The following SLTM variants were observed in gnomAD, a reference collection of about 807,000 sequenced individuals.
SLTM encodes SAFB-like transcription modulator.
A neutral mutation model predicts 134.6 loss-of-function variants in SLTM; 43 were observed. The observed-to-expected ratio is 0.32, with a 90% CI of 0.25 to 0.41. The LOEUF is 0.41. SLTM is among the 10% of genes least tolerant of loss of function. The pLI, the probability that SLTM is intolerant of heterozygous loss-of-function variation, is 1.00. For missense variants in SLTM, 1,055 were observed against 1,288.8 expected, an observed-to-expected ratio of 0.82 and a Z score of 2.78; for synonymous variants, 424 against 432.3, an observed-to-expected ratio of 0.98 and a Z score of 0.24.
At position 58,892,687 on chromosome 15, in the gene SLTM, G is replaced by C. The variant is rs566044683; in HGVS notation, c.1898+210C>G. ...TATAATGGGCATAACTAGCCTTACA[G>C]AACTGTTGAGTTGGAGACAACAGAT... On this transcript the variant is annotated intron_variant, in intron 14 of 20. Coordinates refer to ENST00000380516, the MANE Select transcript of SLTM (RefSeq NM_024755.4). Among the ~76,000 whole-genome samples, 20 of 152,264 alleles carry C rather than the reference G, an allele frequency of 1.3e-4. No homozygotes were observed. The South Asian group carries it at 4.1e-3, about 32-fold the overall frequency.
At chr15:58,896,819 A>G (rs1367000622) in intron 9 of SLTM, among the ~76,000 whole-genome samples, 1 of 152,198 alleles carries the variant, frequency 6.6e-6, no homozygotes, top group Non-Finnish European at 1.5e-5. Context: ...AATATGCTAG[A>G]TCCCAAGCTA....
At chr15:58,918,727 AT>A (rs1444172065) in intron 2 of SLTM, among the ~76,000 whole-genome samples, 1 of 152,148 alleles carries the variant, frequency 6.6e-6, no homozygotes, top group African/African-American at 2.4e-5. Context: ...TTTGCATATA[AT>A]TTTATAATTA....
chr15:58,904,766 A>G (rs1039261393), intron 5 of SLTM, among the ~76,000 whole-genome samples: 3 of 151,960 alleles, frequency 2.0e-5, no homozygotes, highest in Non-Finnish European at 2.9e-5. Context: ...GCTGGAGTGC[A>G]GTGGTGCGAT....
rs2035467960 is a variant in SLTM, at chr15:58,901,260, C to G, written c.589G>C (p.Asp197His). 1 of 1,604,396 alleles carries G rather than the reference C, an allele frequency of 6.2e-7. No homozygotes were observed. The highest frequency in any genetic ancestry group is 1.3e-5 in the African/African-American group (1 of 74,568). Residue 197 changes from aspartate (D) to histidine (H), a missense_variant and splice_region_variant, in exon 6 of 21, where the codon GAT becomes CAT. Around this residue, in one of 3 missense-constraint regions of SLTM, gnomAD observed 268 missense variants for 284.3 expected, o/e 0.94. Transcript: ENST00000380516. Reference protein sequence around the residue: ...QDGEEEENEKDIAGSGDGTQE... With the variant: ...QDGEEEENEKHIAGSGDGTQE... ...TTTTAAGCTCTAGCATCAAACATAC[C>G]TTTCTCATTTTCTTCTTCCTCACCA...
intron 15 of SLTM, 128 bp downstream of exon 15, chr15:58,890,151 GAC>G (rs1459790665): frequency 6.1e-6 from 6 of 976,672 alleles, no homozygotes; most frequent in Non-Finnish European, 7.7e-6. Context: ...ATCTTTCAGG[GAC>G]ACTTAAAAGC....
Position 58,879,082 on chromosome 15 carries a change from A to G in SLTM, c.*917T>C, listed in dbSNP as rs1380475492. 1 of 152,236 alleles carries G rather than the reference A, an allele frequency of 6.6e-6. No homozygotes were observed. Among genetic ancestry groups the G allele is most frequent in the African/African-American group, 2.4e-5 (1 of 41,460 alleles). 9.4% of individuals were successfully genotyped at this position (152,236 alleles called of 1,614,324 possible). Reference sequence around the variant, plus strand: ...TGTGGATTTTTATTTTCACAAAAAGACAACAATGTCTTCCCCACATACAAG... The same window carrying G: ...TGTGGATTTTTATTTTCACAAAAAGGCAACAATGTCTTCCCCACATACAAG... On this transcript the variant is annotated 3_prime_UTR_variant, in exon 21 of 21. Coordinates refer to ENST00000380516, the MANE Select transcript of SLTM (RefSeq NM_024755.4).
In SLTM at chr15:58,913,606, TTTC is replaced by T. The variant is rs753848264; in HGVS notation, c.403_405del (p.Glu135del). 6.8e-6 allele frequency: 11 copies of T among 1,613,550 alleles called. No homozygotes were observed. The African/African-American group carries it at 1.3e-4, about 20-fold the overall frequency. On this transcript the variant is annotated inframe_deletion, in exon 4 of 21. Transcript: ENST00000380516. ...GAGAGTAACTCCTTGGAATGCACAT[TTTC>T]TTCTTCATTTTCACCAAATTCTTCA...
rs1415677966 is a variant in SLTM at position 58,893,960 on chromosome 15, C to T, written c.1509G>A (p.Glu503=). The change falls in exon 12 of 21, where the codon GAG becomes GAA. Residue 503 remains glutamate, a synonymous_variant. Coordinates refer to ENST00000380516, the MANE Select transcript of SLTM (RefSeq NM_024755.4). ...SKTQASVKKE[E]KRSSEKSEKK... ...TTTCAGATTTCTCAGACGATCTTTTCTCTTCTTTTTTGACAGAGGCTTGTG... is the reference window on the plus strand; with the variant it reads ...TTTCAGATTTCTCAGACGATCTTTTTTCTTCTTTTTTGACAGAGGCTTGTG... 1 of 1,610,970 alleles carries T rather than the reference C, an allele frequency of 6.2e-7. No individual in the cohort carries two copies. Among genetic ancestry groups the T allele is most frequent in the South Asian group, 1.1e-5 (1 of 90,302 alleles).
Position 58,883,140 on chromosome 15 carries a change from C to A in SLTM, c.2996+486G>T, listed in dbSNP as rs554768909. ...GACCTGCCTGGGCAACATGGTGAAACCCTGTCTCTACTAAAAATATAAAAA... is the reference window on the plus strand; with the variant it reads ...GACCTGCCTGGGCAACATGGTGAAAACCTGTCTCTACTAAAAATATAAAAA... On this transcript the variant is annotated intron_variant, in intron 20 of 20. Coordinates refer to ENST00000380516, the MANE Select transcript of SLTM (RefSeq NM_024755.4). 4.5e-4 allele frequency among the ~76,000 whole-genome samples: 69 copies of A among 152,240 alleles called. 1 individual carries two copies. Among genetic ancestry groups the A allele is most frequent in the Non-Finnish European group, 5.3e-4 (36 of 68,024 alleles).
chr15:58,933,351 G>A, intron 1 of SLTM, 53 bp downstream of exon 1: 1 of 1,512,610 alleles, frequency 6.6e-7, no homozygotes, highest in African/African-American at 1.4e-5. Context: ...GGGGCGCCGA[G>A]GCGCGGCCTA....
intron 1 of SLTM, among the ~76,000 whole-genome samples, chr15:58,932,744 A>G (rs1274740492): frequency 6.6e-6 from 1 of 152,266 alleles, no homozygotes; most frequent in Non-Finnish European, 1.5e-5. Flanking sequence ...AAAAGTTGCT[A>G]GCTACTAAAG....
intron 15 of SLTM, 121 bp downstream of exon 15, chr15:58,890,160 A>AAGCTCC: frequency 3.6e-6 from 4 of 1,125,570 alleles, no homozygotes; most frequent in Non-Finnish European, 5.1e-6. Context: ...GGACACTTAA[A>AAGCTCC]AGCTCCTTAG....
chr15:58,879,445 T>C lies in SLTM; in HGVS notation c.*554A>G, dbSNP rs1442215721. On this transcript the variant is annotated 3_prime_UTR_variant, in exon 21 of 21. Coordinates refer to ENST00000380516, the MANE Select transcript of SLTM (RefSeq NM_024755.4). ...TTAGCAACTATACAGAATATGAAGG[T>C]TTATTTCAAAAAAGATTACATTTTT... 1 of 152,648 alleles carries C rather than the reference T, an allele frequency of 6.6e-6. No homozygotes were observed. The highest frequency in any genetic ancestry group is 1.5e-5 in the Non-Finnish European group (1 of 68,066). The allele number at this position is 152,648 out of a possible 1,614,324, so 9.5% of individuals were successfully genotyped here.
chr15:58,896,667 A>G (rs1427526723), intron 9 of SLTM, among the ~76,000 whole-genome samples: 1 of 152,172 alleles, frequency 6.6e-6, no homozygotes, highest in Non-Finnish European at 1.5e-5. Flanking sequence ...AGCCAGTTTT[A>G]TATTTTTCTC....
At chr15:58,901,051 G>T (rs1171858699) in intron 6 of SLTM, 1 of 531,578 alleles carries the variant, frequency 1.9e-6, no homozygotes, top group Non-Finnish European at 3.4e-6. Flanking sequence ...TAACTGATAT[G>T]TACTATTAAG....
At chr15:58,903,652 C>T (rs1487115876) in intron 5 of SLTM, among the ~76,000 whole-genome samples, 6 of 151,026 alleles carry the variant, frequency 4.0e-5, no homozygotes, top group Non-Finnish European at 8.8e-5. Context: ...CAAACCTGCA[C>T]GTTGTGCACA....
intron 17 of SLTM, among the ~76,000 whole-genome samples, chr15:58,888,021 G>T (rs2034363403): frequency 6.6e-6 from 1 of 152,164 alleles, no homozygotes; most frequent in Non-Finnish European, 1.5e-5. Flanking sequence ...CATGGTGGTG[G>T]TGCATGTCTA....
intron 5 of SLTM, among the ~76,000 whole-genome samples, chr15:58,903,545 G>A (rs959235363): frequency 1.5e-5 from 2 of 133,924 alleles, no homozygotes; most frequent in African/African-American, 2.7e-5. Context: ...TGCATCTGAC[G>A]GGGAGGGGGG....
At chr15:58,907,055 C>A (rs1316353704) in intron 5 of SLTM, among the ~76,000 whole-genome samples, 1 of 151,830 alleles carries the variant, frequency 6.6e-6, no homozygotes, top group Non-Finnish European at 1.5e-5. Flanking sequence ...ACATGTGAAC[C>A]ATATAAGATA....
Sources: gnomAD v4.1 joint callset for allele counts (sites outside exome capture counted in the v4.1 genomes callset) on GRCh38, gnomAD v4.1.1 for gene constraint, gnomAD v4.1.1 regional missense constraint, MANE v1.5 for transcripts, NCBI Gene and HGNC (gene_info 2026-07-23, HGNC 2026-07-21) for gene names.